SAMD4A: variants seen among roughly 807,000 people sequenced by gnomAD.
SAMD4A encodes the protein sterile alpha motif domain containing 4A, also known as protein Smaug homolog 1.
Under a neutral mutation model 81.3 loss-of-function variants are expected in SAMD4A, and 33 were observed. That is an observed-to-expected ratio of 0.41 (90% CI 0.31 to 0.54). The LOEUF is 0.54. Among genes scored for constraint, SAMD4A ranks in the 20% least tolerant of loss-of-function variants. The probability of loss-of-function intolerance (pLI) is 0.37; values close to 1 mark genes in which losing one functional copy is unlikely to be tolerated. For synonymous variants in SAMD4A, 389 were observed against 382.1 expected, an observed-to-expected ratio of 1.02 and a Z score of -0.21; for missense variants, 854 against 951.1, an observed-to-expected ratio of 0.90 and a Z score of 1.34.
intron 2 of SAMD4A, among the ~76,000 whole-genome samples, chr14:54,636,293 C>T (rs1190781328): frequency 2.0e-5 from 3 of 152,030 alleles, no homozygotes; most frequent in Admixed American, 6.6e-5. Context: ...GCTGGTGTGA[C>T]TGGAGAGGAG....
At chr14:54,592,121 C>T (rs547075958) in intron 2 of SAMD4A, among the ~76,000 whole-genome samples, 5 of 152,218 alleles carry the variant, frequency 3.3e-5, no homozygotes, top group South Asian at 4.1e-4. Context: ...GCGAGGTCAT[C>T]GTTTATTCTT....
At chr14:54,774,852 G>A in intron 9 of SAMD4A, 82 bp from the exon 10 acceptor site, 2 of 1,327,562 alleles carry the variant, frequency 1.5e-6, no homozygotes, top group Admixed American at 3.7e-5. Flanking sequence ...GACCTCCAAG[G>A]CGACATCCCT....
At chr14:54,672,594 C>T (rs190193544) in intron 2 of SAMD4A, among the ~76,000 whole-genome samples, 2 of 152,276 alleles carry the variant, frequency 1.3e-5, no homozygotes, top group Admixed American at 1.3e-4. Context: ...CTGCTTTTAA[C>T]TTTAGCTGCA....
At chr14:54,754,507 C>G (rs2038188282) in intron 6 of SAMD4A, among the ~76,000 whole-genome samples, 1 of 152,152 alleles carries the variant, frequency 6.6e-6, no homozygotes, top group African/African-American at 2.4e-5. Flanking sequence ...GGGAGGCAGT[C>G]TCTCTCAGGC....
chr14:54,725,596 G>T (rs571370159), intron 3 of SAMD4A, among the ~76,000 whole-genome samples: 4 of 152,222 alleles, frequency 2.6e-5, no homozygotes, highest in Non-Finnish European at 4.4e-5. Context: ...AATGTCATTA[G>T]ATTAGCTAGT....
chr14:54,771,852 A>G (rs1022277417), intron 9 of SAMD4A, among the ~76,000 whole-genome samples: 1 of 152,160 alleles, frequency 6.6e-6, no homozygotes, highest in Non-Finnish European at 1.5e-5. Flanking sequence ...CTGTGTTGTC[A>G]TTGGTCCACA....
chr14:54,702,423 G>A lies in SAMD4A; in HGVS notation c.558G>A (p.Lys186=), dbSNP rs1377749827. ...ACCAAAGACAGAACTCTGATGACAA[G>A]CTCAATGGGTGGCAGAACTCTCGGG... is the stretch of plus-strand genomic sequence containing the variant. ...YYHQRQNSDD[K]LNGWQNSRDS... The change falls in exon 3 of 13, where the codon AAG becomes AAA. Residue 186 remains lysine (K), a synonymous_variant. Transcript: ENST00000554335. 1.2e-6 allele frequency: 2 copies of A among 1,614,124 alleles called. No homozygotes were observed. The highest frequency in any genetic ancestry group is 2.7e-5 in the African/African-American group (2 of 75,032).
intron 2 of SAMD4A, among the ~76,000 whole-genome samples, chr14:54,644,512 GAGAAA>G (rs1314480193): frequency 1.3e-5 from 2 of 152,252 alleles, no homozygotes; most frequent in South Asian, 4.1e-4. Flanking sequence ...CAGTGCAGGT[GAGAAA>G]AGAAGACATA....
chr14:54,643,597 A>G (rs2035221017), intron 2 of SAMD4A, among the ~76,000 whole-genome samples: 1 of 152,182 alleles, frequency 6.6e-6, no homozygotes. Context: ...GGACCTAGAT[A>G]TTTCCCTTTC....
At chr14:54,611,736 G>C (rs935894132) in intron 2 of SAMD4A, among the ~76,000 whole-genome samples, 6 of 152,038 alleles carry the variant, frequency 3.9e-5, no homozygotes, top group Non-Finnish European at 8.8e-5. Flanking sequence ...AATAAGCTGG[G>C]CTTGGTGGCA....
intron 11 of SAMD4A, among the ~76,000 whole-genome samples, chr14:54,778,431 A>G (rs8006657): frequency 0.63 from 96,535 of 152,080 alleles, 31,004 homozygotes; most frequent in African/African-American, 0.73. Flanking sequence ...CTCTTCATGC[A>G]AACCCTCTTG....
intron 2 of SAMD4A, among the ~76,000 whole-genome samples, chr14:54,634,156 T>TATGC (rs984700492): frequency 7.3e-5 from 11 of 151,686 alleles, no homozygotes; most frequent in African/African-American, 2.7e-4. Context: ...GATGGTGGTG[T>TATGC]ATGCCTGTAA....
intron 2 of SAMD4A, among the ~76,000 whole-genome samples, chr14:54,628,143 C>T (rs184279503): frequency 1.5e-4 from 23 of 152,190 alleles, no homozygotes; most frequent in Admixed American, 4.6e-4. Context: ...GACTCCTCCC[C>T]CACAACCCTG....
At position 54,681,712 on chromosome 14, in the gene SAMD4A, G is replaced by A. The variant is rs140195387; in HGVS notation, c.197-20350G>A. ...CTCCTAAAGTACTGGGATTACAGGT[G>A]TGAGCCACCACGCCCTGCCTTTTAG... On this transcript the variant is annotated intron_variant, in intron 2 of 12. Transcript: ENST00000554335. 5.0e-4 allele frequency: 416 copies of A among 831,274 alleles called. 3 individuals are homozygous for A. The African/African-American group carries it at 6.9e-3, about 14-fold the overall frequency. 51.5% of individuals were successfully genotyped at this position (831,274 alleles called of 1,614,324 possible).
intron 2 of SAMD4A, among the ~76,000 whole-genome samples, chr14:54,604,554 T>C (rs1260946644): frequency 6.6e-6 from 1 of 152,232 alleles, no homozygotes; most frequent in East Asian, 1.9e-4. Context: ...TACAATTTTA[T>C]TCCTGGGACG....
chr14:54,725,202 T>C (rs145080814), intron 3 of SAMD4A, among the ~76,000 whole-genome samples: 42 of 152,348 alleles, frequency 2.8e-4, no homozygotes, highest in Non-Finnish European at 4.9e-4. Context: ...GAATCTTTAA[T>C]AAGGATTTCA....
At chr14:54,761,566 C>G (rs759164886) in intron 7 of SAMD4A, among the ~76,000 whole-genome samples, 3 of 152,230 alleles carry the variant, frequency 2.0e-5, no homozygotes, top group Non-Finnish European at 2.9e-5. Flanking sequence ...CTGCCTAGAA[C>G]CTAGGCCCCT....
At chr14:54,578,066 C>T (rs1454422615) in intron 2 of SAMD4A, among the ~76,000 whole-genome samples, 2 of 152,186 alleles carry the variant, frequency 1.3e-5, no homozygotes, top group African/African-American at 4.8e-5. Context: ...TTATTGAGCA[C>T]CTGCTCTGTG....
At chr14:54,575,066 GAAGATTTTTGTTTGC>G (rs2033248482) in intron 2 of SAMD4A, among the ~76,000 whole-genome samples, 1 of 152,222 alleles carries the variant, frequency 6.6e-6, no homozygotes, top group South Asian at 2.1e-4. Context: ...CTATGTGTCA[GAAGATTTTTGTTTGC>G]AAGTGAGAAC....
Sources: allele counts gnomAD v4.1 joint callset (sites outside exome capture counted in the v4.1 genomes callset), GRCh38; gene constraint gnomAD v4.1.1; transcripts MANE v1.5; gene names NCBI Gene and HGNC (gene_info 2026-07-23, HGNC 2026-07-21).